The following ZNF318 variants were observed in gnomAD, a reference collection of about 807,000 sequenced individuals.
ZNF318 encodes endocrine regulator.
ZNF318 carries 51 observed loss-of-function variants against 124.2 expected under a neutral mutation model. The ratio of observed to expected loss-of-function variants is 0.41; its 90% CI spans 0.33 to 0.52. The LOEUF (loss-of-function observed/expected upper bound fraction) is 0.52, where lower values mean the gene tolerates loss of function less well. Among genes scored for constraint, ZNF318 ranks in the 20% least tolerant of loss-of-function variants. The probability of loss-of-function intolerance (pLI) is 0.23; values close to 1 mark genes in which losing one functional copy is unlikely to be tolerated. For missense variants in ZNF318, 2,815 were observed against 2,811.2 expected (o/e 1.00, Z -0.03); for synonymous variants, 1,090 against 1,040.7 (o/e 1.05, Z -0.91).
chr6:43,348,189 C>G, intron 6 of ZNF318, 135 bp downstream of exon 6: 1 of 903,776 alleles, frequency 1.1e-6, no homozygotes, highest in Non-Finnish European at 1.7e-6. Context: ...GAGTACCACA[C>G]TCTGATCTAT....
In ZNF318 at chr6:43,338,694, C is replaced by T. The variant is rs1462882366; in HGVS notation, c.5304G>A (p.Glu1768=). Residue 1768 remains glutamate, a synonymous_variant, in exon 10 of 10, where the codon GAG becomes GAA. Coordinates refer to ENST00000361428, the MANE Select transcript of ZNF318 (RefSeq NM_014345.3). ...DKESQELRKS[E]DCRESEIETN... Reference sequence around the variant, plus strand: ...TCTCTATCTCACTTTCTCTACAATCCTCAGATTTACGGAGCTCTTGGCTTT... The same window carrying T: ...TCTCTATCTCACTTTCTCTACAATCTTCAGATTTACGGAGCTCTTGGCTTT... 5.0e-6 allele frequency: 8 copies of T among 1,614,134 alleles called. No homozygotes were observed. The highest frequency in any genetic ancestry group is 6.8e-6 in the Non-Finnish European group (8 of 1,180,028).
Position 43,356,080 on chromosome 6 carries a change from G to A in ZNF318, c.1254C>T (p.Ser418=), listed in dbSNP as rs149011481. 3.7e-6 allele frequency: 6 copies of A among 1,614,202 alleles called. No homozygotes were observed. In the East Asian group the frequency reaches 1.1e-4, roughly 30 times the overall value. ...CAGCAATAGCACCACTTAGTGGAAG[G>A]GATGGGTGCCCAGAGTAGAGAGGGT... The part of the protein sequence containing the change: ...QDHPLYSGHP[S]LPLSGAIAAF... Residue 418 remains serine (S), a synonymous_variant, in exon 4 of 10, where the codon TCC becomes TCT. Transcript: ENST00000361428.
In ZNF318 at chr6:43,369,249, G is replaced by A; in HGVS notation, c.117C>T (p.Ser39=). Residue 39 remains serine, a synonymous_variant, in exon 1 of 10, where the codon AGC becomes AGT. Transcript: ENST00000361428. The part of the protein sequence containing the change: ...SGSSSGPARR[S]SPPPPPSGSS... ...AGCCGGAGGGCGGAGGCGGCGGTGA[G>A]CTGCGGCGAGCCGGGCCTGAGGAGG... The A allele has an allele frequency of 8.0e-7, 1 of 1,254,072 alleles. No homozygotes were observed. The highest frequency in any genetic ancestry group is 2.5e-5 in the South Asian group (1 of 39,598). The allele number at this position is 1,254,072 out of a possible 1,614,324, so 77.7% of individuals were successfully genotyped here.
Position 43,339,498 on chromosome 6 carries a change from C to T in ZNF318, c.4500G>A (p.Leu1500=), listed in dbSNP as rs1471795841. Residue 1500 remains leucine (L), a synonymous_variant, in exon 10 of 10, where the codon TTG becomes TTA. Transcript: ENST00000361428. The surrounding 1 kb of genome is among the most constrained non-coding windows in gnomAD (Gnocchi z 4.2). ...GTGCTGAGGCCATGATGGCTACAGG[C>T]AACACTGGGTTCAAAATGTTAGGAC... ...FVGPNILNPV[L]PVAIMASAQP... is the part of the protein sequence containing the mutation. 2 of 1,614,118 alleles carry T rather than the reference C, an allele frequency of 1.2e-6. No individual in the cohort carries two copies. Among genetic ancestry groups the T allele is most frequent in the Non-Finnish European group, 8.5e-7 (1 of 1,180,034 alleles).
At chr6:43,349,689 TTGTTA>T (rs1483720461) in intron 5 of ZNF318, among the ~76,000 whole-genome samples, 1 of 152,112 alleles carries the variant, frequency 6.6e-6, no homozygotes, top group African/African-American at 2.4e-5. Flanking sequence ...TTTAGGAGCC[TTGTTA>T]TGTTCTTTTC....
chr6:43,340,955 G>A (rs1277819830), intron 8 of ZNF318, 47 bp from the exon 9 acceptor site: 3 of 1,375,642 alleles, frequency 2.2e-6, no homozygotes, highest in Non-Finnish European at 3.1e-6. Flanking sequence ...ATTCCACCCA[G>A]AATGACAGCA....
intron 7 of ZNF318, 137 bp downstream of exon 7, chr6:43,342,539 T>C: frequency 1.2e-6 from 1 of 869,020 alleles, no homozygotes. Context: ...CCTTTGTTGG[T>C]GTCTCTTGGC....
rs143422055 is a variant in ZNF318 at position 43,360,436 on chromosome 6, C to T, written c.549-2671G>A. Among the ~76,000 whole-genome samples the T allele has an allele frequency of 6.6e-5, 10 of 152,054 alleles. No individual in the cohort carries two copies. In the East Asian group the frequency reaches 7.7e-4, roughly 12 times the overall value. ...TCTCCTATACCCTGAAAGAGTCCAG[C>T]GATGGATACTCCCGGAAAGCCTTGG... is the stretch of plus-strand genomic sequence containing the variant. On this transcript the variant is annotated intron_variant, in intron 2 of 9. Coordinates refer to ENST00000361428, the MANE Select transcript of ZNF318 (RefSeq NM_014345.3).
intron 6 of ZNF318, among the ~76,000 whole-genome samples, chr6:43,344,989 A>G (rs1242284818): frequency 6.6e-6 from 1 of 152,110 alleles, no homozygotes; most frequent in Admixed American, 6.5e-5. Context: ...TCATGCCTGT[A>G]ATGCCAGCAC....
At chr6:43,340,955 G>T in intron 8 of ZNF318, 47 bp from the exon 9 acceptor site, 1 of 1,375,760 alleles carries the variant, frequency 7.3e-7, no homozygotes. Flanking sequence ...ATTCCACCCA[G>T]AATGACAGCA....
intron 3 of ZNF318, 102 bp from the exon 4 acceptor site, chr6:43,356,247 G>A: frequency 3.2e-6 from 4 of 1,254,338 alleles, no homozygotes; most frequent in Non-Finnish European, 4.3e-6. Context: ...ATTAACAGGT[G>A]AGATACAAGT....
Position 43,337,525 on chromosome 6 carries a change from A to C in ZNF318, c.6473T>G (p.Ile2158Ser). 1 of 1,614,168 alleles carries C rather than the reference A, an allele frequency of 6.2e-7. No individual in the cohort carries two copies. The highest frequency in any genetic ancestry group is 1.3e-5 in the African/African-American group (1 of 75,062). ...AGATGGCCCAAGGCCTGCAGAATTA[A>C]TTGTTTTTAATTCCAATCCGAGTGA... The part of the protein sequence containing the change: ...QESLGLELKT[I>S]NSAGLGPSPC... The change falls in exon 10 of 10, where the codon ATT (isoleucine) becomes AGT (serine). Residue 2158 changes from isoleucine (I) to serine (S), a missense_variant. Ile to Ser is a moderately radical substitution (Grantham distance 142, BLOSUM62 -2). Coordinates refer to ENST00000361428, the MANE Select transcript of ZNF318 (RefSeq NM_014345.3).
intron 6 of ZNF318, among the ~76,000 whole-genome samples, chr6:43,344,870 A>G (rs1437967394): frequency 6.6e-6 from 1 of 151,556 alleles, no homozygotes; most frequent in East Asian, 1.9e-4. Flanking sequence ...ATGTATTTGG[A>G]ATATATAATA....
At chr6:43,368,782 A>T (rs555203741) in intron 1 of ZNF318, 185 bp downstream of exon 1, 1 of 985,346 alleles carries the variant, frequency 1.0e-6, no homozygotes, top group East Asian at 1.1e-4. Flanking sequence ...TGCGCTCCCG[A>T]GTCCGTTATT....
chr6:43,337,152 T>C lies in ZNF318; in HGVS notation c.*6A>G, dbSNP rs376648315. On this transcript the variant is annotated 3_prime_UTR_variant, in exon 10 of 10. Coordinates refer to ENST00000361428, the MANE Select transcript of ZNF318 (RefSeq NM_014345.3). ...TTCACTCACAAGTAGCTCTAGGTAT[T>C]TATTCTTAGTTGTGAACACTGGATT... The C allele has an allele frequency of 1.2e-4, 187 of 1,558,866 alleles. No individual in the cohort carries two copies. Among genetic ancestry groups the C allele is most frequent in the Non-Finnish European group, 1.6e-4 (183 of 1,153,934 alleles).
At chr6:43,348,230 A>G in intron 6 of ZNF318, 94 bp downstream of exon 6, 1 of 1,220,186 alleles carries the variant, frequency 8.2e-7, no homozygotes, top group Non-Finnish European at 1.2e-6. Flanking sequence ...AAGAGTAAGA[A>G]CAGTTTGAAA....
At chr6:43,354,120 C>T (rs927958456) in intron 4 of ZNF318, among the ~76,000 whole-genome samples, 6 of 152,054 alleles carry the variant, frequency 3.9e-5, no homozygotes, top group Non-Finnish European at 8.8e-5. Flanking sequence ...CACACACACA[C>T]GTAATTTTTT....
Position 43,338,682 on chromosome 6 carries a change from T to G in ZNF318, c.5316A>C (p.Glu1772Asp). The G allele has an allele frequency of 6.2e-7, 1 of 1,614,242 alleles. No homozygotes were observed. Among genetic ancestry groups the G allele is most frequent in the Non-Finnish European group, 8.5e-7 (1 of 1,180,052 alleles). ...QELRKSEDCR[E>D]SEIETNTELK... ...GTTCAGTGTTTGTCTCTATCTCACT[T>G]TCTCTACAATCCTCAGATTTACGGA... Residue 1772 changes from glutamate (E) to aspartate (D), a missense_variant, in exon 10 of 10, where the codon GAA becomes GAC. Transcript: ENST00000361428.
chr6:43,353,345 G>T (rs1477716700), intron 4 of ZNF318, among the ~76,000 whole-genome samples: 3 of 151,384 alleles, frequency 2.0e-5, no homozygotes, highest in African/African-American at 7.3e-5. Context: ...GGAAAAAAAT[G>T]AGACTGGCCC....
Sources: gnomAD v4.1 joint callset for allele counts (sites outside exome capture counted in the v4.1 genomes callset) on GRCh38, gnomAD v4.1.1 for gene constraint, Gnocchi (gnomAD v3.1) non-coding constraint, MANE v1.5 for transcripts, NCBI Gene and HGNC (gene_info 2026-07-23, HGNC 2026-07-21) for gene names.